Variants in PSTPIP2 observed in about 807,000 individuals in gnomAD.
PSTPIP2 encodes the protein proline-serine-threonine phosphatase interacting protein 2.
In PSTPIP2, 33 loss-of-function variants were observed where a neutral mutation model predicts 63.3. The ratio of observed to expected loss-of-function variants is 0.52; its 90% CI spans 0.40 to 0.70. The LOEUF is 0.70. Among genes scored for constraint, PSTPIP2 ranks in the 30% least tolerant of loss-of-function variants. The pLI, the probability that PSTPIP2 is intolerant of heterozygous loss-of-function variation, is 0.00. For synonymous variants in PSTPIP2, 125 were observed against 132.7 expected (o/e 0.94, Z 0.40); for missense variants, 312 against 400.7 (o/e 0.78, Z 1.89).
intron 13 of PSTPIP2, chr18:45,989,920 G>A (rs1256116757): frequency 3.9e-5 from 6 of 152,298 alleles, no homozygotes; most frequent in African/African-American, 1.2e-4. Context: ...GCTGACAAAT[G>A]TTGCAGCCAG....
chr18:46,040,036 G>A lies in PSTPIP2; in HGVS notation c.45C>T (p.Ile15=), dbSNP rs1454376985. 8 of 1,608,318 alleles carry A rather than the reference G, an allele frequency of 5.0e-6. No homozygotes were observed. Among genetic ancestry groups the A allele is most frequent in the Non-Finnish European group, 6.8e-6 (8 of 1,176,688 alleles). Residue 15 remains isoleucine, a synonymous_variant, in exon 2 of 15, where the codon ATC becomes ATT. Coordinates refer to ENST00000409746, the MANE Select transcript of PSTPIP2 (RefSeq NM_024430.4). ...TGTTGTCATAGCCGATGGTGCTGAG[G>A]ATGTCTGCACTCTGGGGGAAAGACA... The part of the protein sequence containing the change: ...LFKGNFWSAD[I]LSTIGYDNII...
At chr18:46,014,011 G>A (rs1568216823) in intron 4 of PSTPIP2, among the ~76,000 whole-genome samples, 1 of 151,850 alleles carries the variant, frequency 6.6e-6, no homozygotes, top group African/African-American at 2.4e-5. Flanking sequence ...GAGGCTGAAG[G>A]AGAGGAGTAA....
intron 1 of PSTPIP2, among the ~76,000 whole-genome samples, chr18:46,063,536 G>A (rs1161484276): frequency 6.6e-6 from 1 of 152,088 alleles, no homozygotes; most frequent in Non-Finnish European, 1.5e-5. Context: ...ACCCGGGAAT[G>A]TCCAGTGCAA....
chr18:46,034,023 A>G (rs1286573468), intron 2 of PSTPIP2, among the ~76,000 whole-genome samples: 1 of 152,230 alleles, frequency 6.6e-6, no homozygotes, highest in African/African-American at 2.4e-5. Context: ...CAACTTGACC[A>G]GCTAATGCAC....
At chr18:46,012,557 G>C (rs1235744497) in intron 4 of PSTPIP2, among the ~76,000 whole-genome samples, 2 of 152,130 alleles carry the variant, frequency 1.3e-5, no homozygotes, top group Non-Finnish European at 2.9e-5. Context: ...GGTGTATCAC[G>C]AGGTCAAGTG....
chr18:46,064,848 T>C (rs1909124169), intron 1 of PSTPIP2, among the ~76,000 whole-genome samples: 2 of 151,908 alleles, frequency 1.3e-5, no homozygotes, highest in African/African-American at 4.8e-5. Context: ...ACATTCTTTA[T>C]TATAGAAAAC....
chr18:45,995,906 C>T (rs751984973), intron 9 of PSTPIP2, among the ~76,000 whole-genome samples: 1 of 152,212 alleles, frequency 6.6e-6, no homozygotes, highest in Non-Finnish European at 1.5e-5. Context: ...ACCTCCACCT[C>T]CCGGGCTCAA....
intron 5 of PSTPIP2, among the ~76,000 whole-genome samples, chr18:46,006,303 C>T (rs1198928912): frequency 6.6e-6 from 1 of 151,196 alleles, no homozygotes; most frequent in Non-Finnish European, 1.5e-5. Context: ...ATCCACCCAG[C>T]TCGGCCTCCC....
At chr18:46,006,509 G>C (rs1164949924) in intron 5 of PSTPIP2, among the ~76,000 whole-genome samples, 1 of 151,490 alleles carries the variant, frequency 6.6e-6, no homozygotes, top group Non-Finnish European at 1.5e-5. Context: ...AAGTCACTGG[G>C]ATTGCAGGCA....
intron 7 of PSTPIP2, 121 bp downstream of exon 7, chr18:45,999,315 A>G: frequency 1.1e-6 from 1 of 923,988 alleles, no homozygotes. Context: ...CCCCCAATAC[A>G]TGAAGGAAGA....
intron 1 of PSTPIP2, among the ~76,000 whole-genome samples, chr18:46,054,742 C>T (rs1280036291): frequency 3.3e-5 from 5 of 150,562 alleles, no homozygotes; most frequent in Non-Finnish European, 4.4e-5. Flanking sequence ...CTCACTGCAA[C>T]CTCTGCCTCC....
At chr18:46,046,608 AG>A (rs1250848322) in intron 1 of PSTPIP2, among the ~76,000 whole-genome samples, 1 of 152,246 alleles carries the variant, frequency 6.6e-6, no homozygotes, top group Admixed American at 6.5e-5. Flanking sequence ...AAAGGCTAAA[AG>A]AACCATCATG....
chr18:46,034,786 C>T (rs1907906359), intron 2 of PSTPIP2, among the ~76,000 whole-genome samples: 1 of 152,112 alleles, frequency 6.6e-6, no homozygotes. Context: ...TCAATTATAA[C>T]ATAAGGATGA....
At chr18:46,064,252 C>G (rs991876252) in intron 1 of PSTPIP2, among the ~76,000 whole-genome samples, 6 of 121,006 alleles carry the variant, frequency 5.0e-5, no homozygotes, top group Non-Finnish European at 1.1e-4. Context: ...TTTCTTTTTT[C>G]TTTTCTTTTT....
At chr18:46,043,043 G>A (rs1200702725) in intron 1 of PSTPIP2, among the ~76,000 whole-genome samples, 1 of 151,856 alleles carries the variant, frequency 6.6e-6, no homozygotes, top group Non-Finnish European at 1.5e-5. Context: ...GGAAACTCTG[G>A]CCTAGTTCCA....
intron 1 of PSTPIP2, among the ~76,000 whole-genome samples, chr18:46,045,981 T>C (rs1232401970): frequency 1.3e-5 from 2 of 152,206 alleles, no homozygotes; most frequent in Non-Finnish European, 2.9e-5. Context: ...GAAGCTACGG[T>C]AATTGAAACA....
At chr18:46,029,569 T>C in intron 2 of PSTPIP2, 1 of 788,434 alleles carries the variant, frequency 1.3e-6, no homozygotes, top group Non-Finnish European at 2.3e-6. Flanking sequence ...TCAAGATTCT[T>C]GTCTCGAAGG....
At chr18:46,007,105 T>C (rs538712604) in intron 5 of PSTPIP2, among the ~76,000 whole-genome samples, 4 of 152,204 alleles carry the variant, frequency 2.6e-5, no homozygotes, top group Non-Finnish European at 4.4e-5. Flanking sequence ...ACTAACGCTG[T>C]GCAAAAATGA....
intron 2 of PSTPIP2, chr18:46,028,439 C>G: frequency 7.1e-6 from 4 of 565,178 alleles, no homozygotes; most frequent in Non-Finnish European, 1.0e-5. Flanking sequence ...CGGAACCGCC[C>G]GACGCTGGAG....
Sources: gnomAD v4.1 joint callset for allele counts (sites outside exome capture counted in the v4.1 genomes callset) on GRCh38, gnomAD v4.1.1 for gene constraint, MANE v1.5 for transcripts, NCBI Gene and HGNC (gene_info 2026-07-23, HGNC 2026-07-21) for gene names.